SUPT3H: variants seen among roughly 807,000 people sequenced by gnomAD.
SUPT3H encodes SPT3 homolog, SAGA and STAGA complex component.
A neutral mutation model predicts 44.3 loss-of-function variants in SUPT3H; 44 were observed. The observed-to-expected ratio is 0.99, with a 90% CI of 0.78 to 1.28. SUPT3H has a LOEUF of 1.28. Among genes scored for constraint, SUPT3H ranks in the 50% most tolerant of loss-of-function variants. The probability of loss-of-function intolerance (pLI) is 0.00; values close to 1 mark genes in which losing one functional copy is unlikely to be tolerated. For missense variants in SUPT3H, 380 were observed against 387.1 expected, an observed-to-expected ratio of 0.98 and a Z score of 0.15; for synonymous variants, 124 against 125.6, an observed-to-expected ratio of 0.99 and a Z score of 0.09.
intron 9 of SUPT3H, among the ~76,000 whole-genome samples, chr6:44,942,551 T>C (rs762012243): frequency 3.9e-5 from 6 of 152,086 alleles, no homozygotes; most frequent in Admixed American, 6.6e-5. Flanking sequence ...AGGGACAGAA[T>C]AGAAAAAGGG....
At chr6:44,847,389 T>C (rs1772052247) in intron 10 of SUPT3H, among the ~76,000 whole-genome samples, 1 of 152,236 alleles carries the variant, frequency 6.6e-6, no homozygotes, top group African/African-American at 2.4e-5. Context: ...CACTTACACT[T>C]GTGTTTACGT....
intron 3 of SUPT3H, among the ~76,000 whole-genome samples, chr6:45,024,878 G>C (rs1583128307): frequency 6.6e-6 from 1 of 152,094 alleles, no homozygotes; most frequent in Non-Finnish European, 1.5e-5. Flanking sequence ...TGCATAACCT[G>C]GGACACTGGG....
At chr6:45,180,106 T>A (rs1431494845) in intron 2 of SUPT3H, among the ~76,000 whole-genome samples, 1 of 138,524 alleles carries the variant, frequency 7.2e-6, no homozygotes, top group East Asian at 2.0e-4. Context: ...ATGAGTGAAC[T>A]CCCATTCGCA....
chr6:44,961,331 T>C lies in SUPT3H; in HGVS notation c.580+422A>G, dbSNP rs112445787. ...TGATATGTTCCTTTGTGGTAATGAG[T>C]ATACATAAAGGAAAATAATTAATAT... On this transcript the variant is annotated intron_variant, in intron 7 of 10. Coordinates refer to ENST00000371459, the MANE Select transcript of SUPT3H (RefSeq NM_003599.4). Among the ~76,000 whole-genome samples the C allele has an allele frequency of 4.9e-3, 739 of 152,276 alleles. 5 individuals carry two copies. Among genetic ancestry groups the C allele is most frequent in the African/African-American group, 0.017 (694 of 41,534 alleles).
intron 3 of SUPT3H, among the ~76,000 whole-genome samples, chr6:45,077,096 C>T (rs1583415874): frequency 2.0e-5 from 3 of 152,272 alleles, no homozygotes; most frequent in African/African-American, 7.2e-5. Context: ...GATACCACCA[C>T]TTCCAATACC....
chr6:45,314,890 C>T (rs914967110), intron 2 of SUPT3H, among the ~76,000 whole-genome samples: 1 of 152,124 alleles, frequency 6.6e-6, no homozygotes, highest in Admixed American at 6.5e-5. Context: ...TCAAAATATA[C>T]TATGAGGCCA....
At chr6:45,066,987 AAG>A (rs1202822191) in intron 3 of SUPT3H, among the ~76,000 whole-genome samples, 1 of 145,496 alleles carries the variant, frequency 6.9e-6, no homozygotes, top group African/African-American at 2.6e-5. Context: ...GGAACCAAAA[AAG>A]AGCCCGCATC....
intron 10 of SUPT3H, among the ~76,000 whole-genome samples, chr6:44,882,660 A>C (rs1159584111): frequency 6.6e-6 from 1 of 152,212 alleles, no homozygotes; most frequent in Non-Finnish European, 1.5e-5. Context: ...AACCGGATCC[A>C]GCAGCACATT....
intron 3 of SUPT3H, among the ~76,000 whole-genome samples, chr6:45,056,237 T>C (rs548070024): frequency 6.6e-6 from 1 of 152,308 alleles, no homozygotes; most frequent in African/African-American, 2.4e-5. Flanking sequence ...CTGGTGGGAA[T>C]GTAAACTGTA....
At chr6:45,312,473 C>A (rs1159322015) in intron 2 of SUPT3H, among the ~76,000 whole-genome samples, 10 of 149,816 alleles carry the variant, frequency 6.7e-5, no homozygotes, top group African/African-American at 2.5e-4. Flanking sequence ...CGAGATCGTG[C>A]CACTGCACTC....
intron 10 of SUPT3H, among the ~76,000 whole-genome samples, chr6:44,852,845 G>A (rs1023231738): frequency 2.0e-5 from 3 of 152,190 alleles, no homozygotes; most frequent in African/African-American, 7.2e-5. Flanking sequence ...GCTGACCTTA[G>A]GGCAAGTGCA....
chr6:45,322,880 T>C (rs200251789), intron 2 of SUPT3H: 4 of 1,612,026 alleles, frequency 2.5e-6, no homozygotes, highest in Non-Finnish European at 3.4e-6. Flanking sequence ...CTGTCTCACC[T>C]GTCAAAGTTG....
At chr6:44,851,030 T>C (rs1159512766) in intron 10 of SUPT3H, among the ~76,000 whole-genome samples, 2 of 152,170 alleles carry the variant, frequency 1.3e-5, no homozygotes, top group Non-Finnish European at 2.9e-5. Context: ...CTCTGACAGA[T>C]GGTGTACGTG....
intron 3 of SUPT3H, among the ~76,000 whole-genome samples, chr6:45,061,821 T>C (rs1369568369): frequency 1.3e-5 from 2 of 151,886 alleles, no homozygotes; most frequent in African/African-American, 4.8e-5. Flanking sequence ...ATGATACCAT[T>C]GTTCTGAGCT....
chr6:44,942,104 G>C (rs966139194), intron 9 of SUPT3H, among the ~76,000 whole-genome samples: 1 of 152,016 alleles, frequency 6.6e-6, no homozygotes, highest in Non-Finnish European at 1.5e-5. Context: ...AAAATGTAAA[G>C]AATTTCTAAA....
At chr6:44,868,733 C>T (rs1222864985) in intron 10 of SUPT3H, among the ~76,000 whole-genome samples, 2 of 152,190 alleles carry the variant, frequency 1.3e-5, no homozygotes, top group Admixed American at 1.3e-4. Context: ...GACTTCATCA[C>T]AGCAACTACT....
intron 2 of SUPT3H, among the ~76,000 whole-genome samples, chr6:45,289,458 A>G (rs1388962129): frequency 2.6e-5 from 4 of 152,320 alleles, no homozygotes; most frequent in Non-Finnish European, 4.4e-5. Context: ...GGAAGTGGAA[A>G]TCTGAGGATT....
intron 10 of SUPT3H, among the ~76,000 whole-genome samples, chr6:44,857,779 G>A (rs981840565): frequency 6.6e-6 from 1 of 152,056 alleles, no homozygotes; most frequent in Non-Finnish European, 1.5e-5. Context: ...TATTCAAATA[G>A]GCAACTAGCA....
intron 2 of SUPT3H, among the ~76,000 whole-genome samples, chr6:45,342,851 A>T (rs908643125): frequency 1.3e-5 from 2 of 152,196 alleles, no homozygotes; most frequent in Non-Finnish European, 2.9e-5. Flanking sequence ...AAGTCCTCCA[A>T]TTACAAGATA....
Sources: gnomAD v4.1 joint callset for allele counts (sites outside exome capture counted in the v4.1 genomes callset) on GRCh38, gnomAD v4.1.1 for gene constraint, MANE v1.5 for transcripts, NCBI Gene and HGNC (gene_info 2026-07-23, HGNC 2026-07-21) for gene names.